The following IL1RAPL1 variants were observed in gnomAD, a reference collection of about 807,000 sequenced individuals.
IL1RAPL1 encodes the protein interleukin-1 receptor accessory protein-like 1.
Under a neutral mutation model 48.4 loss-of-function variants are expected in IL1RAPL1, and 3 were observed. That is an observed-to-expected ratio of 0.06 (90% CI 0.03 to 0.16). IL1RAPL1 has a LOEUF of 0.16. Ranked by LOEUF, IL1RAPL1 falls within the 10% of genes least tolerant of loss-of-function variation. The pLI, the probability that IL1RAPL1 is intolerant of heterozygous loss-of-function variation, is 1.00. For synonymous variants in IL1RAPL1, 185 were observed against 187.7 expected, an observed-to-expected ratio of 0.99 and a Z score of 0.12; for missense variants, 349 against 530.6, an observed-to-expected ratio of 0.66 and a Z score of 3.36.
intron 6 of IL1RAPL1, among the ~76,000 whole-genome samples, chrX:29,906,520 T>TA (rs1932635306): frequency 1.7e-5 from 1 of 59,412 alleles, no homozygotes; most frequent in Non-Finnish European, 3.0e-5. Flanking sequence ...TATATATATA[T>TA]ATTTCTGTAG....
intron 5 of IL1RAPL1, among the ~76,000 whole-genome samples, chrX:29,474,660 G>A (rs1036808754): frequency 7.2e-5 from 8 of 111,556 alleles, no homozygotes; most frequent in African/African-American, 2.6e-4. Context: ...GAGAAAGAAG[G>A]GAGAGGTCCC....
intron 1 of IL1RAPL1, among the ~76,000 whole-genome samples, chrX:28,730,811 A>G (rs1935745534): frequency 8.9e-6 from 1 of 112,098 alleles, no homozygotes; most frequent in Non-Finnish European, 1.9e-5. Flanking sequence ...GCCTATGACC[A>G]ATAGTTTTAA....
chrX:28,852,338 CTTT>C (rs11437442), intron 2 of IL1RAPL1, among the ~76,000 whole-genome samples: 1 of 101,707 alleles, frequency 9.8e-6, no homozygotes. Flanking sequence ...TAATCCATAA[CTTT>C]TTTTTTTTTT....
At chrX:29,021,463 G>C (rs73208096) in intron 2 of IL1RAPL1, among the ~76,000 whole-genome samples, 2,745 of 110,599 alleles carry the variant, frequency 0.025, 35 homozygotes, top group East Asian at 0.06. Context: ...ATTCATCCTG[G>C]TCCTTATTCT....
chrX:29,240,212 A>AT, intron 2 of IL1RAPL1, among the ~76,000 whole-genome samples: 1 of 48,410 alleles, frequency 2.1e-5, no homozygotes, highest in Non-Finnish European at 2.9e-5. Context: ...ATATATATAT[A>AT]TATATATATA....
chrX:29,602,427 CA>C (rs200641949), intron 5 of IL1RAPL1, among the ~76,000 whole-genome samples: 9 of 110,475 alleles, frequency 8.1e-5, no homozygotes, highest in African/African-American at 2.9e-4. Context: ...CTTAAAAATA[CA>C]AAAAAATACA....
chrX:29,674,441 G>A (rs771422304), intron 6 of IL1RAPL1, among the ~76,000 whole-genome samples: 13 of 111,455 alleles, frequency 1.2e-4, no homozygotes, highest in Non-Finnish European at 2.3e-4. Flanking sequence ...ATAAAAAAAA[G>A]TTTTAAGTGG....
chrX:29,111,953 G>A (rs1180182158), intron 2 of IL1RAPL1, among the ~76,000 whole-genome samples: 5 of 76,517 alleles, frequency 6.5e-5, no homozygotes, highest in African/African-American at 9.8e-5. Flanking sequence ...TTTTTGAGAC[G>A]GCGTCTCACT....
chrX:29,434,524 C>T (rs1322200060), intron 5 of IL1RAPL1, among the ~76,000 whole-genome samples: 1 of 110,487 alleles, frequency 9.1e-6, no homozygotes, highest in Non-Finnish European at 1.9e-5. Context: ...CTGTTTTTTG[C>T]CATCTAATCT....
At chrX:29,179,240 CTTCCATTTG>C (rs1413095114) in intron 2 of IL1RAPL1, among the ~76,000 whole-genome samples, 2 of 111,308 alleles carry the variant, frequency 1.8e-5, no homozygotes, top group African/African-American at 6.5e-5. Context: ...ATGGAATGTT[CTTCCATTTG>C]TTTGTGTCCC....
At chrX:29,940,172 T>C (rs763917314) in intron 8 of IL1RAPL1, among the ~76,000 whole-genome samples, 2 of 111,007 alleles carry the variant, frequency 1.8e-5, no homozygotes, top group African/African-American at 6.6e-5. Flanking sequence ...CTGAGGACTT[T>C]TTTTCCTGTA....
At chrX:29,081,013 TC>T (rs1243194209) in intron 2 of IL1RAPL1, among the ~76,000 whole-genome samples, 48 of 74,906 alleles carry the variant, frequency 6.4e-4, no homozygotes, top group East Asian at 2.3e-3. Flanking sequence ...TCTCTCTCTC[TC>T]TCTCTCTTTC....
At chrX:29,122,409 T>TCA (rs59677285) in intron 2 of IL1RAPL1, among the ~76,000 whole-genome samples, 3,174 of 64,555 alleles carry the variant, frequency 0.049, 112 homozygotes, top group Non-Finnish European at 0.06. Flanking sequence ...TCTCTCTCTC[T>TCA]CACACACACA....
chrX:28,814,320 C>T (rs1275318448), intron 2 of IL1RAPL1, among the ~76,000 whole-genome samples: 1 of 96,379 alleles, frequency 1.0e-5, no homozygotes. Flanking sequence ...TTACTATATT[C>T]CTTTGGGGCA....
intron 2 of IL1RAPL1, among the ~76,000 whole-genome samples, chrX:29,054,067 G>A (rs1030330634): frequency 7.2e-5 from 8 of 111,046 alleles, no homozygotes; most frequent in Admixed American, 6.7e-4. Context: ...GTTAATGGAC[G>A]CTAATGTTGT....
At chrX:29,542,029 A>C (rs1921455913) in intron 5 of IL1RAPL1, among the ~76,000 whole-genome samples, 1 of 111,809 alleles carries the variant, frequency 8.9e-6, no homozygotes, top group Non-Finnish European at 1.9e-5. Flanking sequence ...TACAAAAGTA[A>C]GCAATGATCT....
intron 2 of IL1RAPL1, among the ~76,000 whole-genome samples, chrX:29,023,859 A>G (rs990702233): frequency 8.9e-6 from 1 of 112,013 alleles, no homozygotes; most frequent in African/African-American, 3.2e-5. Context: ...TTTTCTTTAT[A>G]GGATTTTTAA....
intron 2 of IL1RAPL1, among the ~76,000 whole-genome samples, chrX:29,027,030 A>T (rs1224227728): frequency 8.9e-6 from 1 of 112,063 alleles, no homozygotes; most frequent in Non-Finnish European, 1.9e-5. Context: ...ATGAACCTAC[A>T]TCAATACATC....
At chrX:29,747,701 A>G (rs1305649820) in intron 6 of IL1RAPL1, among the ~76,000 whole-genome samples, 1 of 112,953 alleles carries the variant, frequency 8.9e-6, no homozygotes. Flanking sequence ...TACTTTCTTA[A>G]TCACCTCTAA....
Sources: gnomAD v4.1 joint callset for allele counts (sites outside exome capture counted in the v4.1 genomes callset) on GRCh38, gnomAD v4.1.1 for gene constraint, MANE v1.5 for transcripts, NCBI Gene and HGNC (gene_info 2026-07-23, HGNC 2026-07-21) for gene names.